The following WWOX variants were observed in gnomAD, a reference collection of about 807,000 sequenced individuals.
WWOX encodes WW domain containing oxidoreductase.
A neutral mutation model predicts 46.2 loss-of-function variants in WWOX; 69 were observed. The ratio of observed to expected loss-of-function variants is 1.49; its 90% confidence interval spans 1.23 to 1.82. The LOEUF (loss-of-function observed/expected upper bound fraction) is 1.82. WWOX is among the 40% of genes most tolerant of loss of function. The probability of loss-of-function intolerance (pLI) is 0.00; values close to 1 mark genes in which losing one functional copy is unlikely to be tolerated. For missense variants in WWOX, 919 were observed against 542.6 expected, an observed-to-expected ratio of 1.69 and a Z score of -6.89; for synonymous variants, 359 against 202.6, an observed-to-expected ratio of 1.77 and a Z score of -6.56.
chr16:78,932,144 C>G (rs910174169), intron 8 of WWOX, among the ~76,000 whole-genome samples: 2 of 152,204 alleles, frequency 1.3e-5, no homozygotes, highest in African/African-American at 4.8e-5. Context: ...AACTAATACA[C>G]CACTTGAATT....
intron 8 of WWOX, among the ~76,000 whole-genome samples, chr16:78,954,739 G>A (rs1425010217): frequency 6.6e-6 from 1 of 152,212 alleles, no homozygotes; most frequent in Non-Finnish European, 1.5e-5. Context: ...ATTATATAAA[G>A]TGCTATGGGG....
At chr16:78,803,938 G>C (rs763450147) in intron 8 of WWOX, among the ~76,000 whole-genome samples, 1 of 152,080 alleles carries the variant, frequency 6.6e-6, no homozygotes, top group Non-Finnish European at 1.5e-5. Flanking sequence ...AGGTGGCCTG[G>C]TGGTACTTCA....
intron 8 of WWOX, among the ~76,000 whole-genome samples, chr16:78,872,291 A>G (rs773367211): frequency 1.3e-5 from 2 of 152,226 alleles, no homozygotes; most frequent in Non-Finnish European, 1.5e-5. Flanking sequence ...CAGTTTTCTC[A>G]TAAGAAAGAT....
At chr16:78,606,634 C>T (rs996512599) in intron 8 of WWOX, among the ~76,000 whole-genome samples, 18 of 150,056 alleles carry the variant, frequency 1.2e-4, no homozygotes, top group African/African-American at 2.7e-4. Flanking sequence ...ATCAGTGACA[C>T]GAAGTTGAAT....
Position 78,730,644 on chromosome 16 carries a change from G to C in WWOX, c.1056+297892G>C, listed in dbSNP as rs573673133. On this transcript the variant is annotated intron_variant, in intron 8 of 8. Coordinates refer to ENST00000566780, the MANE Select transcript of WWOX (RefSeq NM_016373.4). ...TTTTTTTTTTTTTTTTTTTTAAGTA[G>C]AGACAGGGTCTTGCTGTGTTGCCCG... 5.7e-3 allele frequency among the ~76,000 whole-genome samples: 707 copies of C among 124,536 alleles called. 6 individuals carry two copies. The highest frequency in any genetic ancestry group is 7.8e-3 in the Non-Finnish European group (484 of 61,930). The allele number at this position is 124,536 out of a possible 152,430, so 81.7% of individuals were successfully genotyped here.
intron 8 of WWOX, among the ~76,000 whole-genome samples, chr16:79,011,654 A>C (rs1279994040): frequency 6.6e-6 from 1 of 151,404 alleles, no homozygotes; most frequent in African/African-American, 2.4e-5. Flanking sequence ...CACCATAGCC[A>C]GCTATTTTTT....
chr16:78,326,611 G>T (rs2080629428), intron 5 of WWOX, among the ~76,000 whole-genome samples: 1 of 121,848 alleles, frequency 8.2e-6, no homozygotes, highest in South Asian at 2.5e-4. Flanking sequence ...ATCTGTGGCA[G>T]AGTTGTTACA....
At chr16:78,487,663 C>T (rs2084672799) in intron 8 of WWOX, among the ~76,000 whole-genome samples, 1 of 152,090 alleles carries the variant, frequency 6.6e-6, no homozygotes, top group African/African-American at 2.4e-5. Context: ...TGACCTCTAG[C>T]CATTAGATAC....
At chr16:78,292,044 A>ACAAAAAAT (rs2079867860) in intron 5 of WWOX, among the ~76,000 whole-genome samples, 2 of 149,936 alleles carry the variant, frequency 1.3e-5, no homozygotes, top group African/African-American at 4.9e-5. Flanking sequence ...ATGGCTTATG[A>ACAAAAAAT]GATGAGGATG....
At chr16:78,953,989 A>G (rs536016561) in intron 8 of WWOX, among the ~76,000 whole-genome samples, 1 of 152,370 alleles carries the variant, frequency 6.6e-6, no homozygotes, top group South Asian at 2.1e-4. Context: ...GGAGACAAAA[A>G]GATGAACAAC....
At chr16:78,720,642 T>C (rs1370745260) in intron 8 of WWOX, among the ~76,000 whole-genome samples, 3 of 152,046 alleles carry the variant, frequency 2.0e-5, no homozygotes, top group Non-Finnish European at 4.4e-5. Context: ...TTCTTGACCC[T>C]TGAATTGAAT....
intron 8 of WWOX, among the ~76,000 whole-genome samples, chr16:78,931,795 C>G (rs895299121): frequency 1.3e-5 from 2 of 152,182 alleles, no homozygotes; most frequent in Non-Finnish European, 2.9e-5. Context: ...TTAGCTGTGT[C>G]TCCACCCAAG....
At chr16:78,875,206 G>T (rs1376582364) in intron 8 of WWOX, among the ~76,000 whole-genome samples, 1 of 152,134 alleles carries the variant, frequency 6.6e-6, no homozygotes, top group Non-Finnish European at 1.5e-5. Context: ...TTCTGAGGAA[G>T]AGCCAGCTCA....
chr16:78,275,931 T>C (rs2079568567), intron 5 of WWOX, among the ~76,000 whole-genome samples: 1 of 152,198 alleles, frequency 6.6e-6, no homozygotes, highest in East Asian at 1.9e-4. Context: ...GCTGGACTTC[T>C]GGGCTCTGCT....
intron 8 of WWOX, among the ~76,000 whole-genome samples, chr16:78,833,092 A>T (rs1018341044): frequency 4.0e-5 from 6 of 148,424 alleles, no homozygotes; most frequent in African/African-American, 1.5e-4. Context: ...CCCAGGCTGC[A>T]GTGCAGTGGT....
chr16:78,429,845 G>GT (rs1383805510), intron 7 of WWOX, among the ~76,000 whole-genome samples: 1 of 152,190 alleles, frequency 6.6e-6, no homozygotes, highest in Non-Finnish European at 1.5e-5. Flanking sequence ...GTTTCAACAT[G>GT]TAAATGCTTG....
chr16:78,115,203 C>T (rs750952556), intron 4 of WWOX, 49 bp downstream of exon 4: 1 of 1,604,276 alleles, frequency 6.2e-7, no homozygotes, highest in Non-Finnish European at 8.5e-7. Context: ...ATAATGAGAT[C>T]CACTTAGATC....
intron 8 of WWOX, among the ~76,000 whole-genome samples, chr16:79,128,460 C>G (rs1209223404): frequency 6.6e-6 from 1 of 152,050 alleles, no homozygotes; most frequent in Non-Finnish European, 1.5e-5. Context: ...TTATCATCCC[C>G]CTGTTACAGG....
intron 8 of WWOX, among the ~76,000 whole-genome samples, chr16:79,047,489 A>T (rs1182807577): frequency 3.3e-5 from 5 of 151,836 alleles, no homozygotes; most frequent in Non-Finnish European, 7.4e-5. Flanking sequence ...TATAGAAATG[A>T]TGTCGTTAAT....
Sources: allele counts gnomAD v4.1 joint callset (sites outside exome capture counted in the v4.1 genomes callset), GRCh38; gene constraint gnomAD v4.1.1; transcripts MANE v1.5; gene names NCBI Gene and HGNC (gene_info 2026-07-23, HGNC 2026-07-21).